The following ANO3 variants were observed in gnomAD, a reference collection of about 807,000 sequenced individuals.
The protein encoded by ANO3 is anoctamin-3.
In ANO3, 99 loss-of-function variants were observed where a neutral mutation model predicts 144.8. That is an observed-to-expected ratio of 0.68 (90% CI 0.58 to 0.81). The LOEUF (loss-of-function observed/expected upper bound fraction) is 0.81. Ranked by LOEUF, ANO3 falls within the 30% of genes least tolerant of loss-of-function variation. The pLI, the probability that ANO3 is intolerant of heterozygous loss-of-function variation, is 0.00. For synonymous variants in ANO3, 414 were observed against 392.6 expected (o/e 1.05, Z -0.64); for missense variants, 905 against 1,202.2 (o/e 0.75, Z 3.66).
At chr11:26,425,056 G>T (rs940411259) in intron 1 of ANO3, among the ~76,000 whole-genome samples, 10 of 139,380 alleles carry the variant, frequency 7.2e-5, no homozygotes, top group African/African-American at 2.6e-4. Flanking sequence ...AAGAGGCCCC[G>T]GGGTGTGATG....
intron 1 of ANO3, among the ~76,000 whole-genome samples, chr11:26,245,666 C>A (rs563742200): frequency 1.3e-5 from 2 of 152,108 alleles, no homozygotes; most frequent in Non-Finnish European, 2.9e-5. Context: ...AAAAAGTCAA[C>A]TGTAAATGAC....
At chr11:26,198,851 T>C (rs867747488) in intron 1 of ANO3, among the ~76,000 whole-genome samples, 3 of 152,184 alleles carry the variant, frequency 2.0e-5, no homozygotes, top group Non-Finnish European at 4.4e-5. Flanking sequence ...CGTTTCTTAA[T>C]GTTTATGCCT....
intron 1 of ANO3, among the ~76,000 whole-genome samples, chr11:26,430,000 G>T (rs960755433): frequency 5.3e-5 from 8 of 152,102 alleles, no homozygotes; most frequent in African/African-American, 1.9e-4. Flanking sequence ...CCCTTCGGGA[G>T]GCCAAAGCGG....
chr11:26,284,000 C>T (rs79669675), intron 1 of ANO3, among the ~76,000 whole-genome samples: 2,965 of 152,204 alleles, frequency 0.019, 61 homozygotes, highest in East Asian at 0.12. Context: ...GTATTTGACC[C>T]ATGTGGGGGA....
At chr11:26,378,397 A>G (rs967102987) in intron 1 of ANO3, among the ~76,000 whole-genome samples, 1 of 130,310 alleles carries the variant, frequency 7.7e-6, no homozygotes, top group Non-Finnish European at 1.6e-5. Flanking sequence ...TAATCTATAT[A>G]TTATCTATCT....
intron 17 of ANO3, among the ~76,000 whole-genome samples, chr11:26,600,533 TCTC>T (rs1851774957): frequency 2.1e-5 from 2 of 94,510 alleles, no homozygotes; most frequent in Non-Finnish European, 4.2e-5. Context: ...TCTCCTTCCT[TCTC>T]CTCTTCTCTC....
At chr11:26,599,146 T>C in intron 16 of ANO3, 148 bp downstream of exon 16, 1 of 843,414 alleles carries the variant, frequency 1.2e-6, no homozygotes, top group South Asian at 1.7e-5. Flanking sequence ...AACAAACAAA[T>C]CACAACAGGT....
intron 4 of ANO3, among the ~76,000 whole-genome samples, chr11:26,476,299 G>C (rs1859966751): frequency 6.6e-6 from 1 of 152,016 alleles, no homozygotes; most frequent in Non-Finnish European, 1.5e-5. Flanking sequence ...TAGAAGGGGA[G>C]TTACTTGAGT....
At chr11:26,514,889 T>A (rs919361528) in intron 5 of ANO3, among the ~76,000 whole-genome samples, 15 of 152,090 alleles carry the variant, frequency 9.9e-5, no homozygotes, top group Admixed American at 9.2e-4. Flanking sequence ...TTTCACCAAA[T>A]TTGGAAGATT....
chr11:26,455,106 CAGCCA>C (rs1459962042), intron 3 of ANO3, among the ~76,000 whole-genome samples: 12 of 152,086 alleles, frequency 7.9e-5, no homozygotes, highest in Admixed American at 6.6e-4. Context: ...GACAGACCCA[CAGCCA>C]ATATCATACT....
chr11:26,499,242 C>A (rs1861090256), intron 4 of ANO3, among the ~76,000 whole-genome samples: 1 of 151,692 alleles, frequency 6.6e-6, no homozygotes, highest in South Asian at 2.1e-4. Flanking sequence ...TTGTAACTTA[C>A]CTTTTCACAA....
At chr11:26,420,760 T>A (rs1159258377) in intron 1 of ANO3, among the ~76,000 whole-genome samples, 2 of 152,110 alleles carry the variant, frequency 1.3e-5, no homozygotes, top group African/African-American at 4.8e-5. Flanking sequence ...TATTGGTTTC[T>A]TTTCATCCTG....
upstream of ANO3, among the ~76,000 whole-genome samples, chr11:26,327,196 G>A (rs1423806317): frequency 6.6e-6 from 1 of 152,174 alleles, no homozygotes; most frequent in Non-Finnish European, 1.5e-5. Context: ...GCTTTTATGT[G>A]TCAATCATCT....
chr11:26,266,863 C>T (rs188010985), intron 1 of ANO3, among the ~76,000 whole-genome samples: 2,004 of 150,970 alleles, frequency 0.013, 31 homozygotes, highest in African/African-American at 0.046. Flanking sequence ...GGGCGGATCA[C>T]GAGGTCAGGA....
At chr11:26,581,203 TGAA>T (rs1046253399) in intron 14 of ANO3, among the ~76,000 whole-genome samples, 2 of 152,180 alleles carry the variant, frequency 1.3e-5, no homozygotes, top group Non-Finnish European at 2.9e-5. Context: ...TGAGTTGTTT[TGAA>T]GATGATGTGA....
intron 1 of ANO3, among the ~76,000 whole-genome samples, chr11:26,293,355 C>A (rs1288223522): frequency 2.6e-5 from 4 of 151,400 alleles, no homozygotes; most frequent in Middle Eastern, 3.4e-3. Context: ...GAAATTCTTT[C>A]TCTCACACTG....
chr11:26,503,184 A>G (rs1024564990), intron 4 of ANO3, among the ~76,000 whole-genome samples: 1 of 152,150 alleles, frequency 6.6e-6, no homozygotes, highest in Non-Finnish European at 1.5e-5. Flanking sequence ...AGAAAAAGCG[A>G]ATTTTATTCT....
chr11:26,318,804 T>C (rs1854688319), intron 1 of ANO3, among the ~76,000 whole-genome samples: 1 of 152,192 alleles, frequency 6.6e-6, no homozygotes, highest in South Asian at 2.1e-4. Context: ...AAGTTGAGGG[T>C]TCCTACTGAG....
chr11:26,422,770 G>T (rs1248848135), intron 1 of ANO3, among the ~76,000 whole-genome samples: 1 of 151,894 alleles, frequency 6.6e-6, no homozygotes, highest in African/African-American at 2.4e-5. Context: ...TGCTGTGGGG[G>T]TAATTTTAGT....
Sources: allele counts gnomAD v4.1 joint callset (sites outside exome capture counted in the v4.1 genomes callset), GRCh38; gene constraint gnomAD v4.1.1; transcripts MANE v1.5; gene names NCBI Gene and HGNC (gene_info 2026-07-23, HGNC 2026-07-21).